SGIP1: variants seen among roughly 807,000 people sequenced by gnomAD.
SGIP1 encodes SH3-containing GRB2-like protein 3-interacting protein 1.
A neutral mutation model predicts 107.5 loss-of-function variants in SGIP1; 38 were observed. The observed-to-expected ratio is 0.35, with a 90% CI of 0.27 to 0.46. SGIP1 has a LOEUF of 0.46. Among genes scored for constraint, SGIP1 ranks in the 20% least tolerant of loss-of-function variants. The pLI is 1.00. For synonymous variants in SGIP1, 365 were observed against 366.1 expected (o/e 1.00, Z 0.03); for missense variants, 929 against 1,019.5 (o/e 0.91, Z 1.21).
At chr1:66,546,924 C>T (rs1005733352) in intron 1 of SGIP1, among the ~76,000 whole-genome samples, 2 of 152,186 alleles carry the variant, frequency 1.3e-5, no homozygotes, top group African/African-American at 4.8e-5. Flanking sequence ...CATCACCTCT[C>T]TATTTTCCCA....
chr1:66,694,725 T>G, intron 17 of SGIP1: 1 of 400,780 alleles, frequency 2.5e-6, no homozygotes, highest in South Asian at 1.2e-4. Flanking sequence ...AGTTTCTCAG[T>G]GAAGAGGTTC....
intron 7 of SGIP1, chr1:66,660,119 G>A (rs12743122): frequency 4.3e-5 from 4 of 92,798 alleles, no homozygotes; most frequent in African/African-American, 8.1e-5. Flanking sequence ...AAGGAAGGAA[G>A]GAAAGAAAGA....
intron 1 of SGIP1, among the ~76,000 whole-genome samples, chr1:66,574,147 G>T (rs1557935212): frequency 1.3e-5 from 2 of 152,060 alleles, no homozygotes; most frequent in African/African-American, 4.8e-5. Flanking sequence ...TTCCATCCCT[G>T]TATCTCTAAG....
chr1:66,615,477 C>T (rs568595528), intron 1 of SGIP1, among the ~76,000 whole-genome samples: 4 of 152,240 alleles, frequency 2.6e-5, no homozygotes, highest in Admixed American at 6.5e-5. Flanking sequence ...TTAACTTGAA[C>T]GATTAAATGA....
rs1185954171 is a variant in SGIP1, at chr1:66,660,624, C to G, written c.471+100C>G. 4.4e-6 allele frequency: 5 copies of G among 1,145,116 alleles called. No homozygotes were observed. In the Admixed American group the frequency reaches 8.9e-5, roughly 20 times the overall value. 70.9% of individuals were successfully genotyped at this position (1,145,116 alleles called of 1,614,324 possible). On this transcript the variant is annotated intron_variant, in intron 8 of 24. Coordinates refer to ENST00000371037, the MANE Select transcript of SGIP1 (RefSeq NM_032291.4). ...TGACTGACTGTGTTTAACACCTAAA[C>G]AAGGTTTTGAACTTTAAAAACAAAT...
chr1:66,638,823 A>G (rs1370911915), intron 4 of SGIP1, among the ~76,000 whole-genome samples: 2 of 152,156 alleles, frequency 1.3e-5, no homozygotes, highest in Non-Finnish European at 2.9e-5. Context: ...GCAAAATTAG[A>G]GGTCCTGTGT....
At chr1:66,697,322 G>A (rs2091116101) in intron 18 of SGIP1, among the ~76,000 whole-genome samples, 1 of 152,154 alleles carries the variant, frequency 6.6e-6, no homozygotes, top group Non-Finnish European at 1.5e-5. Flanking sequence ...AGATGTCTGG[G>A]TATTTAAAGT....
chr1:66,648,015 AGAG>A lies in SGIP1; in HGVS notation c.459+4298_459+4300del. The stretch of plus-strand genomic sequence containing the variant: ...TTAATACCTGTGATGTGGGGTGGGC[AGAG>A]GGAGAAGTTGAGCTGCTTTACACAA... On this transcript the variant is annotated intron_variant, in intron 7 of 24. Transcript: ENST00000371037. Among the ~76,000 whole-genome samples, 3 of 152,316 alleles carry A rather than the reference AGAG, an allele frequency of 2.0e-5. 1 individual carries two copies. The Middle Eastern group carries it at 0.01, about 518-fold the overall frequency.
chr1:66,740,727 T>C lies in SGIP1; in HGVS notation c.2299+5T>C, dbSNP rs755284239. On this transcript the variant is annotated splice_donor_5th_base_variant and intron_variant, in intron 23 of 24. Coordinates refer to ENST00000371037, the MANE Select transcript of SGIP1 (RefSeq NM_032291.4). ...CTCAGAAGTCAGAAAATGGAGGTAA[T>C]GGAATCACAAGTTTATTTTATTTAA... 1.4e-5 allele frequency: 23 copies of C among 1,592,474 alleles called. No individual in the cohort carries two copies. Among genetic ancestry groups the C allele is most frequent in the Non-Finnish European group, 1.7e-6 (2 of 1,162,748 alleles).
rs754887447 is a variant in SGIP1, at chr1:66,719,376, T to C, written c.1713T>C (p.Asn571=). Residue 571 remains asparagine, a synonymous_variant, in exon 19 of 25, where the codon AAT becomes AAC. Transcript: ENST00000371037. ...CAGCAGCATTTACAGAAACAGTCAA[T>C]GCCTATTTCAAAGGAGCAGACCCAA... ...PVAAAFTETV[N]AYFKGADPSK... is the part of the protein sequence containing the mutation. The C allele has an allele frequency of 1.6e-5, 26 of 1,613,388 alleles. No homozygotes were observed. The highest frequency in any genetic ancestry group is 2.1e-5 in the Non-Finnish European group (25 of 1,179,666).
In SGIP1 at chr1:66,746,015, A is replaced by G. The variant is rs916520987; in HGVS notation, c.*2920A>G. 1 of 152,158 alleles carries G rather than the reference A, an allele frequency of 6.6e-6. No homozygotes were observed. The highest frequency in any genetic ancestry group is 1.5e-5 in the Non-Finnish European group (1 of 67,982). The allele number at this position is 152,158 out of a possible 1,614,324, so 9.4% of individuals were successfully genotyped here. A position where few individuals can be genotyped will look rare whatever the true frequency, so the allele number is the denominator to read the frequency against. ...ATATATTTCACCTGTAAAAGAAAGA[A>G]TGTCCACAATTCAAACGGTTTTGAG... is the stretch of plus-strand genomic sequence containing the variant. On this transcript the variant is annotated 3_prime_UTR_variant, in exon 25 of 25. Transcript: ENST00000371037.
In SGIP1 at chr1:66,739,444, T is replaced by TG; in HGVS notation, c.2142dup (p.Thr715AspfsTer34). ...GATTACAAATATAATACAGATGCAA[T>TG]GACGACTGCTGTGGCCCTCAACAAT... On this transcript the variant is annotated frameshift_variant, in exon 22 of 25. Coordinates refer to ENST00000371037, the MANE Select transcript of SGIP1 (RefSeq NM_032291.4). LOFTEE classifies it high-confidence loss of function. 6.2e-7 allele frequency: 1 copy of TG among 1,614,130 alleles called. No individual in the cohort carries two copies.
rs141947361 is a variant in SGIP1, at chr1:66,689,684, G to A, written c.1443+409G>A. Among the ~76,000 whole-genome samples the A allele has an allele frequency of 1.6e-4, 25 of 152,312 alleles. 1 individual carries two copies. The East Asian group carries it at 4.6e-3, about 28-fold the overall frequency. On this transcript the variant is annotated intron_variant, in intron 16 of 24. Transcript: ENST00000371037. The stretch of plus-strand genomic sequence containing the variant: ...TGTGAATATACAGTGAAGGAGTGGT[G>A]GCTTGAGGAATTTGTTGCAGAAGTT...
rs148801424 is a variant in SGIP1, at chr1:66,539,256, G to A, written c.10+4888G>A. 1.3e-3 allele frequency among the ~76,000 whole-genome samples: 196 copies of A among 152,288 alleles called. 3 individuals carry two copies. In the East Asian group the frequency reaches 0.025, roughly 19 times the overall value. Reference sequence around the variant, plus strand: ...AGGTCATAGGTAGAACAGAATTGAGGAGCATAGTAAAAGCAGGAAAAAGTA... The same window carrying A: ...AGGTCATAGGTAGAACAGAATTGAGAAGCATAGTAAAAGCAGGAAAAAGTA... On this transcript the variant is annotated intron_variant, in intron 1 of 24. Coordinates refer to ENST00000371037, the MANE Select transcript of SGIP1 (RefSeq NM_032291.4).
At chr1:66,549,283 C>A (rs2057034604) in intron 1 of SGIP1, among the ~76,000 whole-genome samples, 1 of 151,840 alleles carries the variant, frequency 6.6e-6, no homozygotes, top group African/African-American at 2.4e-5. Context: ...AGCTTGTCAG[C>A]AACTATTTAT....
At chr1:66,725,358 G>A (rs1210964994) in intron 19 of SGIP1, among the ~76,000 whole-genome samples, 1 of 152,280 alleles carries the variant, frequency 6.6e-6, no homozygotes, top group South Asian at 2.1e-4. Context: ...TCATCCATTA[G>A]AGTTACACAA....
intron 19 of SGIP1, among the ~76,000 whole-genome samples, chr1:66,726,184 A>G (rs1001920115): frequency 6.6e-6 from 1 of 152,226 alleles, no homozygotes. Flanking sequence ...CTGCATTTGC[A>G]AGCAGGCTGG....
At position 66,750,007 on chromosome 1, in the gene SGIP1, C is replaced by A. The variant is rs597810; in HGVS notation, c.*6912C>A. ...TATCTAATTCATATTCTCTCTCTCT[C>A]TCTCTCTCTTTCTCTGTGTGTGTGT... On this transcript the variant is annotated 3_prime_UTR_variant, in exon 25 of 25. Transcript: ENST00000371037. 6.7e-5 allele frequency among the ~76,000 whole-genome samples: 7 copies of A among 104,734 alleles called. No homozygotes were observed. Among genetic ancestry groups the A allele is most frequent in the African/African-American group, 2.7e-4 (7 of 25,578 alleles). 68.7% of individuals were successfully genotyped at this position (104,734 alleles called of 152,430 possible).
At position 66,660,354 on chromosome 1, in the gene SGIP1, T is replaced by C. The variant is rs2081215126; in HGVS notation, c.460-159T>C. Among the ~76,000 whole-genome samples the C allele has an allele frequency of 1.3e-5, 2 of 152,050 alleles. 1 individual carries two copies. The highest frequency in any genetic ancestry group is 4.8e-5 in the African/African-American group (2 of 41,414). ...TGAACTAAAGACAGCAGCCTAGGAA[T>C]GACCATATCAGACCCCCACAGGAAG... On this transcript the variant is annotated intron_variant, in intron 7 of 24. Transcript: ENST00000371037.
Sources: allele counts gnomAD v4.1 joint callset (sites outside exome capture counted in the v4.1 genomes callset), GRCh38; gene constraint gnomAD v4.1.1; transcripts MANE v1.5; gene names NCBI Gene and HGNC (gene_info 2026-07-23, HGNC 2026-07-21).